The following PUM1 variants were observed in gnomAD, a reference collection of about 807,000 sequenced individuals.
PUM1 encodes pumilio RNA binding family member 1.
A neutral mutation model predicts 131.8 loss-of-function variants in PUM1; 13 were observed. The ratio of observed to expected loss-of-function variants is 0.10; its 90% confidence interval spans 0.06 to 0.16. PUM1 has a LOEUF of 0.16. Ranked by LOEUF, PUM1 falls within the 10% of genes least tolerant of loss-of-function variation. PUM1 has a pLI of 1.00. For synonymous variants in PUM1, 509 were observed against 556.5 expected (o/e 0.91, Z 1.20); for missense variants, 961 against 1,512.4 (o/e 0.64, Z 6.05).
chr1:31,013,906 T>C (rs1024287639), intron 3 of PUM1, among the ~76,000 whole-genome samples: 1 of 152,226 alleles, frequency 6.6e-6, no homozygotes, highest in African/African-American at 2.4e-5. Context: ...TAAAGCTTTA[T>C]TTAAAGCTTT....
intron 2 of PUM1, among the ~76,000 whole-genome samples, chr1:31,054,093 CAAAAAAAAAAAAA>C (rs368330168): frequency 2.2e-4 from 12 of 54,884 alleles, no homozygotes; most frequent in South Asian, 1.5e-3. Flanking sequence ...GACTTTATTT[CAAAAAAAAAAAAA>C]AAAAAAAAAA....
At chr1:30,978,127 C>T (rs569190024) in intron 9 of PUM1, among the ~76,000 whole-genome samples, 1 of 152,186 alleles carries the variant, frequency 6.6e-6, no homozygotes, top group Admixed American at 6.5e-5. Context: ...TGCCTGTAGT[C>T]CCAGTTATTC....
intron 5 of PUM1, among the ~76,000 whole-genome samples, chr1:31,000,504 G>C (rs948751414): frequency 3.3e-5 from 5 of 152,144 alleles, no homozygotes; most frequent in African/African-American, 1.2e-4. Context: ...ATATATTGTT[G>C]AGGTCAGAAT....
chr1:30,938,080 A>G (rs566182275), intron 20 of PUM1, among the ~76,000 whole-genome samples: 55 of 151,540 alleles, frequency 3.6e-4, no homozygotes, highest in African/African-American at 1.3e-3. Context: ...CCCTATTTTT[A>G]TTTTTGTAGA....
intron 14 of PUM1, among the ~76,000 whole-genome samples, chr1:30,963,677 T>A (rs1247819222): frequency 6.6e-6 from 1 of 152,222 alleles, no homozygotes; most frequent in African/African-American, 2.4e-5. Context: ...CACTTCTGAG[T>A]CCATGAAGCC....
intron 2 of PUM1, among the ~76,000 whole-genome samples, chr1:31,040,972 G>A (rs1289061814): frequency 6.6e-6 from 1 of 152,058 alleles, no homozygotes; most frequent in African/African-American, 2.4e-5. Flanking sequence ...GAAGAAAACG[G>A]GAGATGCAGG....
At chr1:30,997,640 C>G (rs1485839150) in intron 5 of PUM1, among the ~76,000 whole-genome samples, 1 of 152,020 alleles carries the variant, frequency 6.6e-6, no homozygotes, top group African/African-American at 2.4e-5. Flanking sequence ...GGGCTCTTCA[C>G]AAGGGCTTTA....
At chr1:30,972,124 A>T (rs1305702667) in intron 10 of PUM1, among the ~76,000 whole-genome samples, 1 of 150,642 alleles carries the variant, frequency 6.6e-6, no homozygotes, top group Non-Finnish European at 1.5e-5. Context: ...GTATGGTGGC[A>T]CGTGCCTGTA....
At chr1:31,038,396 C>G (rs933124219) in intron 2 of PUM1, among the ~76,000 whole-genome samples, 1 of 152,132 alleles carries the variant, frequency 6.6e-6, no homozygotes, top group African/African-American at 2.4e-5. Flanking sequence ...GAAATGTAGA[C>G]TACTGTTCAA....
intron 3 of PUM1, among the ~76,000 whole-genome samples, chr1:31,009,017 C>CAA (rs57893493): frequency 0.01 from 1,229 of 121,802 alleles, 12 homozygotes; most frequent in African/African-American, 0.033. Flanking sequence ...ACTAAAAATA[C>CAA]AAAAAAAAAA....
chr1:31,046,397 T>A (rs72885650), intron 2 of PUM1, among the ~76,000 whole-genome samples: 43,474 of 151,280 alleles, frequency 0.29, 8,079 homozygotes, highest in East Asian at 0.53. Context: ...AAAACAAAAT[T>A]AAAAAAATCA....
chr1:31,042,292 C>G (rs940213061), intron 2 of PUM1, among the ~76,000 whole-genome samples: 10 of 149,994 alleles, frequency 6.7e-5, no homozygotes, highest in Non-Finnish European at 1.0e-4. Flanking sequence ...GGCAACAGAG[C>G]GAGACTCTGT....
In PUM1 at chr1:31,005,033, A is replaced by G. The variant is rs563219927; in HGVS notation, c.720+820T>C. Among the ~76,000 whole-genome samples the G allele has an allele frequency of 2.4e-4, 36 of 152,350 alleles. No individual in the cohort carries two copies. In the East Asian group the frequency reaches 3.5e-3, roughly 15 times the overall value. On this transcript the variant is annotated intron_variant, in intron 5 of 21. Coordinates refer to ENST00000426105, the MANE Select transcript of PUM1 (RefSeq NM_001020658.2). Reference sequence around the variant, plus strand: ...AGGGAAGAAGATTCATGTGCCTCTCATGGCCTTCCTGTCTGTGACCTGGAA... The same window carrying G: ...AGGGAAGAAGATTCATGTGCCTCTCGTGGCCTTCCTGTCTGTGACCTGGAA...
Position 30,953,897 on chromosome 1 carries a change from C to G in PUM1, c.2408G>C (p.Ser803Thr). 1 of 1,614,248 alleles carries G rather than the reference C, an allele frequency of 6.2e-7. No homozygotes were observed. The highest frequency in any genetic ancestry group is 2.2e-5 in the East Asian group (1 of 44,886). Reference sequence around the variant, plus strand: ...AAGAGTGCTGCTCGGGCTGAAGAGGCTGGAGGCGCTGCTTGCACTGCGGTA... The same window carrying G: ...AAGAGTGCTGCTCGGGCTGAAGAGGGTGGAGGCGCTGCTTGCACTGCGGTA... The part of the protein sequence containing the change: ...AKYRSASSAS[S>T]LFSPSSTLFS... The change falls in exon 15 of 22, where the codon AGC (serine) becomes ACC (threonine). Residue 803 changes from serine (S) to threonine (T), a missense_variant. Coordinates refer to ENST00000426105, the MANE Select transcript of PUM1 (RefSeq NM_001020658.2).
At chr1:31,055,014 T>C (rs1230004130) in intron 2 of PUM1, among the ~76,000 whole-genome samples, 1 of 152,176 alleles carries the variant, frequency 6.6e-6, no homozygotes. Context: ...CTTCATAGGA[T>C]TGCTGTAAGG....
At chr1:30,976,535 C>T (rs1641144908) in intron 9 of PUM1, among the ~76,000 whole-genome samples, 2 of 152,194 alleles carry the variant, frequency 1.3e-5, no homozygotes, top group South Asian at 2.1e-4. Context: ...GACACATATT[C>T]TTGTTTCCCC....
At chr1:31,015,953 A>G (rs1474010942) in intron 3 of PUM1, among the ~76,000 whole-genome samples, 4 of 152,190 alleles carry the variant, frequency 2.6e-5, no homozygotes, top group Non-Finnish European at 4.4e-5. Context: ...GATTACAGGC[A>G]TAAGCCACTG....
intron 12 of PUM1, 27 bp downstream of exon 12, chr1:30,967,140 C>T: frequency 6.2e-7 from 1 of 1,609,556 alleles, no homozygotes; most frequent in Non-Finnish European, 8.5e-7. Context: ...AGATCTCTGG[C>T]AGGAGTCCAC....
chr1:30,945,381 A>C lies in PUM1; in HGVS notation c.2959T>G (p.Ser987Ala), dbSNP rs779041768. The C allele has an allele frequency of 1.4e-5, 22 of 1,614,186 alleles. No homozygotes were observed. Among genetic ancestry groups the C allele is most frequent in the Non-Finnish European group, 1.9e-5 (22 of 1,180,022 alleles). ...QKCIECVQPQ[S>A]LQFIIDAFKG... ...AACGCATCGATGATAAATTGCAAAG[A>C]CTGGGGCTGTACACATTCAATGCAT... Residue 987 changes from serine (S) to alanine (A), a missense_variant, in exon 18 of 22, where the codon TCT (serine) becomes GCT (alanine). Around this residue, in one of 4 missense-constraint regions of PUM1, gnomAD observed 178 missense variants for 327.5 expected, o/e 0.54. Coordinates refer to ENST00000426105, the MANE Select transcript of PUM1 (RefSeq NM_001020658.2).
Sources: allele counts gnomAD v4.1 joint callset (sites outside exome capture counted in the v4.1 genomes callset), GRCh38; gene constraint gnomAD v4.1.1; regional missense constraint gnomAD v4.1.1; transcripts MANE v1.5; gene names NCBI Gene and HGNC (gene_info 2026-07-23, HGNC 2026-07-21).